CHD1L: variants seen among roughly 807,000 people sequenced by gnomAD.
CHD1L encodes the protein ATP-dependent chromatin remodeler CHD1L.
CHD1L carries 118 observed loss-of-function variants against 115.9 expected under a neutral mutation model. The ratio of observed to expected loss-of-function variants is 1.02; its 90% CI spans 0.88 to 1.19. The LOEUF (loss-of-function observed/expected upper bound fraction) is 1.19. Ranked by LOEUF, CHD1L falls within the 50% of genes most tolerant of loss-of-function variation. CHD1L has a pLI of 0.00. For missense variants in CHD1L, 1,179 were observed against 1,065.3 expected (o/e 1.11, Z -1.49); for synonymous variants, 411 against 387.1 (o/e 1.06, Z -0.72).
At chr1:147,264,019 A>T (rs1672950628) in intron 6 of CHD1L, among the ~76,000 whole-genome samples, 1 of 152,178 alleles carries the variant, frequency 6.6e-6, no homozygotes, top group African/African-American at 2.4e-5. Context: ...GTAGCGTTGG[A>T]TTCTCAAACT....
chr1:147,243,382 A>G lies in CHD1L; in HGVS notation c.127+552A>G, dbSNP rs1188372819. On this transcript the variant is annotated intron_variant, in intron 1 of 22. Coordinates refer to ENST00000369258, the MANE Select transcript of CHD1L (RefSeq NM_004284.6). The stretch of plus-strand genomic sequence containing the variant: ...CAAGCAAAGCACTGTTTATGAAGCT[A>G]TTTTTGTGTCTTGAGTCATTCATAA... 5.9e-5 allele frequency among the ~76,000 whole-genome samples: 9 copies of G among 151,810 alleles called. No homozygotes were observed. In the East Asian group the frequency reaches 1.6e-3, roughly 26 times the overall value.
chr1:147,292,034 T>C (rs1685741805), intron 20 of CHD1L, among the ~76,000 whole-genome samples: 1 of 152,136 alleles, frequency 6.6e-6, no homozygotes, highest in African/African-American at 2.4e-5. Context: ...GATTGGGCCA[T>C]AGTCTCCACT....
Position 147,291,522 on chromosome 1 carries a change from T to A in CHD1L, c.2361T>A (p.Asp787Glu). ...GTGTCCTTTTATTTCCTGTTGATGA[T>A]AAAGAATCAAGAAACAAAGGGCAAG... ...LGGVLLFPVDDKESRNKGQDL... is the reference protein window; with the variant it reads ...LGGVLLFPVDEKESRNKGQDL... The change falls in exon 20 of 23, where the codon GAT becomes GAA. Residue 787 changes from aspartate (D) to glutamate (E), a missense_variant. Transcript: ENST00000369258. 2 of 1,613,974 alleles carry A rather than the reference T, an allele frequency of 1.2e-6. No individual in the cohort carries two copies. The highest frequency in any genetic ancestry group is 1.7e-6 in the Non-Finnish European group (2 of 1,179,914).
At chr1:147,271,140 AT>A (rs1676053650) in intron 11 of CHD1L, 135 bp downstream of exon 11, 1 of 748,924 alleles carries the variant, frequency 1.3e-6, no homozygotes, top group Non-Finnish European at 2.2e-6. Flanking sequence ...GAACCAAAAA[AT>A]CAAAAGGCGA....
chr1:147,280,203 G>A lies in CHD1L; in HGVS notation c.1705+12G>A, dbSNP rs782652786. On this transcript the variant is annotated intron_variant, in intron 15 of 22. Coordinates refer to ENST00000369258, the MANE Select transcript of CHD1L (RefSeq NM_004284.6). ...TCAAGAGGAAGGAAGTAAGTTGGAG[G>A]TTAGAGCAGAGCAAATGGCACAACC... 3.2e-6 allele frequency: 5 copies of A among 1,563,048 alleles called. No homozygotes were observed. The East Asian group carries it at 1.1e-4, about 35-fold the overall frequency.
chr1:147,209,355 G>A, the CHD1L span, among the ~76,000 whole-genome samples: 2 of 144,594 alleles, frequency 1.4e-5, no homozygotes, highest in Non-Finnish European at 3.0e-5. Flanking sequence ...GGAGAATGGC[G>A]TCAACCTGGG....
chr1:147,264,007 C>T (rs1174192482), intron 6 of CHD1L, among the ~76,000 whole-genome samples: 1 of 152,128 alleles, frequency 6.6e-6, no homozygotes, highest in Non-Finnish European at 1.5e-5. Flanking sequence ...GGGCCTGATG[C>T]TGTAGCGTTG....
chr1:147,270,354 A>T (rs1675663756), intron 10 of CHD1L, among the ~76,000 whole-genome samples: 1 of 152,094 alleles, frequency 6.6e-6, no homozygotes, highest in African/African-American at 2.4e-5. Context: ...TTCTCGTGTT[A>T]TGGAAAATGA....
At chr1:147,255,701 C>T in intron 3 of CHD1L, 112 bp from the exon 4 acceptor site, 1 of 653,532 alleles carries the variant, frequency 1.5e-6, no homozygotes, top group South Asian at 2.6e-5. Context: ...GTTGTAGGAC[C>T]TCATGAGTTC....
At chr1:147,275,621 T>G (rs1001253678) in intron 13 of CHD1L, among the ~76,000 whole-genome samples, 153 bp downstream of exon 13, 1 of 152,084 alleles carries the variant, frequency 6.6e-6, no homozygotes. Context: ...TAGGGTAGTA[T>G]TGGGTGGGTC....
intron 1 of CHD1L, among the ~76,000 whole-genome samples, chr1:147,249,758 C>T (rs1466651952): frequency 6.6e-6 from 1 of 152,120 alleles, no homozygotes. Flanking sequence ...GCTCTTTAGC[C>T]AGATTTGGGA....
the CHD1L span, chr1:147,212,646 G>T: frequency 2.9e-6 from 3 of 1,017,506 alleles, no homozygotes; most frequent in Middle Eastern, 3.0e-4. Flanking sequence ...TTCTCCAAGT[G>T]TTCTCTTTAC....
At chr1:147,271,950 G>A (rs7536363) in intron 11 of CHD1L, among the ~76,000 whole-genome samples, 60,517 of 152,040 alleles carry the variant, frequency 0.4, 12,081 homozygotes, top group South Asian at 0.44. Context: ...TCAACTGCAT[G>A]TATTTAAAAA....
At position 147,264,591 on chromosome 1, in the gene CHD1L, T is replaced by C. The variant is rs782128261; in HGVS notation, c.739+7T>C. The C allele has an allele frequency of 3.7e-5, 59 of 1,611,824 alleles. No individual in the cohort carries two copies. In the East Asian group the frequency reaches 1.3e-3, roughly 35 times the overall value. On this transcript the variant is annotated splice_region_variant and intron_variant, in intron 7 of 22. Coordinates refer to ENST00000369258, the MANE Select transcript of CHD1L (RefSeq NM_004284.6). ...GAGAAAGAATCTGAGTCAGGCAAGT[T>C]CCTTTCCTGCAAATCATCCCCAAGA...
At chr1:147,294,376 G>A (rs782808780) in intron 21 of CHD1L, 33 bp from the exon 22 acceptor site, 23 of 1,489,434 alleles carry the variant, frequency 1.5e-5, no homozygotes, top group Middle Eastern at 1.7e-4. Context: ...AATTTTTGAT[G>A]AGTGAAGACA....
chr1:147,272,670 T>G (rs782391425), intron 12 of CHD1L, among the ~76,000 whole-genome samples: 6 of 152,210 alleles, frequency 3.9e-5, no homozygotes, highest in Non-Finnish European at 8.8e-5. Flanking sequence ...TCTATAAGTA[T>G]TTCTGGAATA....
At position 147,288,322 on chromosome 1, in the gene CHD1L, C is replaced by CATAAAAAAAAAAAAAAAA. The variant is rs1452486110; in HGVS notation, c.2320+590_2320+591insTAAAAAAAAAAAAAAAAA. 1.7e-4 allele frequency among the ~76,000 whole-genome samples: 15 copies of CATAAAAAAAAAAAAAAAA among 87,912 alleles called. 2 individuals are homozygous for CATAAAAAAAAAAAAAAAA. Among genetic ancestry groups the CATAAAAAAAAAAAAAAAA allele is most frequent in the African/African-American group, 6.7e-4 (14 of 20,782 alleles). 57.7% of individuals were successfully genotyped at this position (87,912 alleles called of 152,430 possible). Reference sequence around the variant, plus strand: ...CCTGAGTGAGAGTGAGACCCTGTTTCAATAAAAAAAAAAAAAAAAAAAAAG... The same window carrying CATAAAAAAAAAAAAAAAA: ...CCTGAGTGAGAGTGAGACCCTGTTTCATAAAAAAAAAAAAAAAAAATAAAAAAAAAAAAAAAAAAAAAG... On this transcript the variant is annotated intron_variant, in intron 19 of 22. Coordinates refer to ENST00000369258, the MANE Select transcript of CHD1L (RefSeq NM_004284.6).
In CHD1L at chr1:147,288,304, G is replaced by T. The variant is rs1162509771; in HGVS notation, c.2320+571G>T. Among the ~76,000 whole-genome samples, 16 of 125,432 alleles carry T rather than the reference G, an allele frequency of 1.3e-4. No homozygotes were observed. The Admixed American group carries it at 1.4e-3, about 11-fold the overall frequency. The allele number at this position is 125,432 out of a possible 152,430, so 82.3% of individuals were successfully genotyped here. On this transcript the variant is annotated intron_variant, in intron 19 of 22. Coordinates refer to ENST00000369258, the MANE Select transcript of CHD1L (RefSeq NM_004284.6). ...TACACCACTGTACTACAGCCTGAGT[G>T]AGAGTGAGACCCTGTTTCAATAAAA...
chr1:147,219,049 G>C, the CHD1L span, among the ~76,000 whole-genome samples: 16 of 152,182 alleles, frequency 1.1e-4, no homozygotes, highest in African/African-American at 3.6e-4. Flanking sequence ...TCTATTATCA[G>C]GACCTGGTGT....
Sources: gnomAD v4.1 joint callset for allele counts (sites outside exome capture counted in the v4.1 genomes callset) on GRCh38, gnomAD v4.1.1 for gene constraint, MANE v1.5 for transcripts, NCBI Gene and HGNC (gene_info 2026-07-23, HGNC 2026-07-21) for gene names.